CCDC102B: variants seen among roughly 807,000 people sequenced by gnomAD.
The protein encoded by CCDC102B is coiled-coil domain-containing protein 102B.
A neutral mutation model predicts 57.4 loss-of-function variants in CCDC102B; 75 were observed. The ratio of observed to expected loss-of-function variants is 1.31; its 90% confidence interval spans 1.08 to 1.58. The LOEUF is 1.58. Ranked by LOEUF, CCDC102B falls within the 40% of genes most tolerant of loss-of-function variation. The pLI, the probability that CCDC102B is intolerant of heterozygous loss-of-function variation, is 0.00. For missense variants in CCDC102B, 636 were observed against 582.6 expected (o/e 1.09, Z -0.94); for synonymous variants, 206 against 201.9 (o/e 1.02, Z -0.17).
At chr18:68,968,814 G>A (rs1333139762) in intron 6 of CCDC102B, among the ~76,000 whole-genome samples, 1 of 152,076 alleles carries the variant, frequency 6.6e-6, no homozygotes, top group African/African-American at 2.4e-5. Flanking sequence ...ATGACGGACA[G>A]ATTTTACTTA....
At chr18:68,926,044 A>C (rs961041351) in intron 6 of CCDC102B, among the ~76,000 whole-genome samples, 125 of 152,124 alleles carry the variant, frequency 8.2e-4, no homozygotes, top group Non-Finnish European at 1.3e-3. Flanking sequence ...CAAAATATTA[A>C]AAATTGGAAT....
chr18:68,994,848 C>T (rs2050978914), intron 6 of CCDC102B, among the ~76,000 whole-genome samples: 1 of 152,152 alleles, frequency 6.6e-6, no homozygotes, highest in Admixed American at 6.5e-5. Flanking sequence ...CTACTGCAGA[C>T]AGTAGAGTGC....
At chr18:68,919,252 G>A (rs1239097617) in intron 6 of CCDC102B, among the ~76,000 whole-genome samples, 1 of 152,044 alleles carries the variant, frequency 6.6e-6, no homozygotes, top group Non-Finnish European at 1.5e-5. Flanking sequence ...GTATGTGCAT[G>A]AGTATATATG....
At chr18:68,845,462 T>A (rs1464671504) in intron 3 of CCDC102B, among the ~76,000 whole-genome samples, 2 of 151,816 alleles carry the variant, frequency 1.3e-5, no homozygotes, top group African/African-American at 4.8e-5. Context: ...TTTGTTTCTA[T>A]CATCTCTGCT....
At chr18:68,868,414 G>A (rs61309071) in intron 4 of CCDC102B, among the ~76,000 whole-genome samples, 52,885 of 151,956 alleles carry the variant, frequency 0.35, 10,022 homozygotes, top group East Asian at 0.62. Context: ...TCTACTTTAA[G>A]GGATTTTGGC....
At chr18:68,955,278 A>G (rs1198391201) in intron 6 of CCDC102B, among the ~76,000 whole-genome samples, 2 of 152,160 alleles carry the variant, frequency 1.3e-5, no homozygotes, top group Non-Finnish European at 2.9e-5. Flanking sequence ...AAAAAACACA[A>G]TAGGAAAATC....
chr18:69,021,818 G>C (rs991808018), intron 7 of CCDC102B, among the ~76,000 whole-genome samples: 29 of 152,288 alleles, frequency 1.9e-4, no homozygotes, highest in African/African-American at 7.0e-4. Flanking sequence ...ATAGACAAAA[G>C]TGAACACATG....
intron 6 of CCDC102B, among the ~76,000 whole-genome samples, chr18:68,968,662 T>A (rs1227620333): frequency 6.6e-6 from 1 of 152,182 alleles, no homozygotes; most frequent in Non-Finnish European, 1.5e-5. Flanking sequence ...ATTCATCTTG[T>A]ATAATCATAA....
chr18:68,998,139 G>T (rs1390570692), intron 6 of CCDC102B, among the ~76,000 whole-genome samples: 1 of 151,768 alleles, frequency 6.6e-6, no homozygotes, highest in Non-Finnish European at 1.5e-5. Flanking sequence ...GTCAGTGTTT[G>T]CCATAGTATG....
At position 69,023,294 on chromosome 18, in the gene CCDC102B, G is replaced by A. The variant is rs2051898217; in HGVS notation, c.1434+12190G>A. On this transcript the variant is annotated intron_variant, in intron 7 of 7. Coordinates refer to ENST00000360242, the MANE Select transcript of CCDC102B (RefSeq NM_024781.3). ...ATTACATAATTTTAACTATTGAAAT[G>A]TATGCAGTTGAGGTAATGAAACATT... 2.0e-5 allele frequency among the ~76,000 whole-genome samples: 3 copies of A among 152,076 alleles called. No individual in the cohort carries two copies. In the South Asian group the frequency reaches 6.2e-4, roughly 32 times the overall value.
intron 2 of CCDC102B, among the ~76,000 whole-genome samples, chr18:68,772,646 C>T (rs540995052): frequency 6.6e-6 from 1 of 151,748 alleles, no homozygotes; most frequent in South Asian, 2.1e-4. Flanking sequence ...GATGTTATCT[C>T]TTGATAAATT....
chr18:68,924,971 T>G (rs1258811638), intron 6 of CCDC102B, among the ~76,000 whole-genome samples: 3 of 151,982 alleles, frequency 2.0e-5, no homozygotes, highest in Non-Finnish European at 4.4e-5. Flanking sequence ...AGTATCTGCA[T>G]CTCTCACAAG....
At chr18:68,794,238 T>A (rs2035556779), upstream of CCDC102B, among the ~76,000 whole-genome samples, 1 of 152,122 alleles carries the variant, frequency 6.6e-6, no homozygotes. Flanking sequence ...CACCAGCTTA[T>A]TATCATTTAA....
chr18:69,049,013 C>T (rs375203206), intron 7 of CCDC102B, among the ~76,000 whole-genome samples: 1 of 151,214 alleles, frequency 6.6e-6, no homozygotes, highest in Non-Finnish European at 1.5e-5. Flanking sequence ...CTGTATGTTA[C>T]CATCATCAAA....
intron 4 of CCDC102B, among the ~76,000 whole-genome samples, chr18:68,867,247 C>T (rs532413037): frequency 1.4e-4 from 21 of 152,196 alleles, no homozygotes; most frequent in African/African-American, 4.6e-4. Context: ...GTCTCGGCCT[C>T]CCGAAGTGCT....
At chr18:68,839,146 C>A in intron 3 of CCDC102B, 1 of 562,158 alleles carries the variant, frequency 1.8e-6, no homozygotes, top group South Asian at 2.1e-5. Flanking sequence ...TGACTTTTAT[C>A]ATGACTATGT....
intron 6 of CCDC102B, among the ~76,000 whole-genome samples, chr18:68,922,779 G>T (rs997550997): frequency 1.3e-5 from 2 of 151,964 alleles, no homozygotes; most frequent in Non-Finnish European, 2.9e-5. Flanking sequence ...CGGTTTCATG[G>T]AGCAGGGACA....
intron 6 of CCDC102B, among the ~76,000 whole-genome samples, chr18:69,003,361 A>G (rs2051257022): frequency 6.6e-6 from 1 of 152,172 alleles, no homozygotes; most frequent in Non-Finnish European, 1.5e-5. Context: ...CCTATATAGT[A>G]TCAGGAGATT....
intron 1 of CCDC102B, among the ~76,000 whole-genome samples, chr18:68,833,974 G>C (rs2037255164): frequency 6.6e-6 from 1 of 151,760 alleles, no homozygotes; most frequent in Non-Finnish European, 1.5e-5. Flanking sequence ...ATAGTTGTCT[G>C]AGCTAAAATA....
Sources: allele counts gnomAD v4.1 joint callset (sites outside exome capture counted in the v4.1 genomes callset), GRCh38; gene constraint gnomAD v4.1.1; transcripts MANE v1.5; gene names NCBI Gene and HGNC (gene_info 2026-07-23, HGNC 2026-07-21).